Variants in ITGA9 observed in about 807,000 individuals in gnomAD.
ITGA9 encodes integrin alpha-9.
In ITGA9, 56 loss-of-function variants were observed where a neutral mutation model predicts 127.8. The observed-to-expected ratio is 0.44, with a 90% CI of 0.35 to 0.55. The LOEUF is 0.55. Ranked by LOEUF, ITGA9 falls within the 20% of genes least tolerant of loss-of-function variation. The pLI, the probability that ITGA9 is intolerant of heterozygous loss-of-function variation, is 0.00. For missense variants in ITGA9, 1,196 were observed against 1,347.1 expected, an observed-to-expected ratio of 0.89 and a Z score of 1.76; for synonymous variants, 508 against 514.5, an observed-to-expected ratio of 0.99 and a Z score of 0.17.
At chr3:37,724,674 T>G (rs1450997751) in intron 18 of ITGA9, among the ~76,000 whole-genome samples, 1 of 152,134 alleles carries the variant, frequency 6.6e-6, no homozygotes, top group African/African-American at 2.4e-5. Context: ...TTTTTTGTAT[T>G]TTTATTAGAG....
At chr3:37,680,226 A>G (rs1210057829) in intron 17 of ITGA9, among the ~76,000 whole-genome samples, 2 of 152,204 alleles carry the variant, frequency 1.3e-5, no homozygotes, top group Non-Finnish European at 2.9e-5. Context: ...GAAGGATGAC[A>G]TATTTGACAA....
At chr3:37,626,625 A>G (rs571448910) in intron 15 of ITGA9, among the ~76,000 whole-genome samples, 1 of 152,260 alleles carries the variant, frequency 6.6e-6, no homozygotes, top group African/African-American at 2.4e-5. Context: ...TCAAGGCTGC[A>G]GTGAGCTATG....
intron 1 of ITGA9, among the ~76,000 whole-genome samples, chr3:37,461,887 G>T (rs1329212159): frequency 1.3e-5 from 2 of 152,146 alleles, no homozygotes; most frequent in Non-Finnish European, 2.9e-5. Flanking sequence ...TTGTTATGGG[G>T]AGCTCCAGCT....
chr3:37,683,786 A>G, intron 17 of ITGA9, 79 bp from the exon 18 acceptor site: 1 of 1,460,842 alleles, frequency 6.8e-7, no homozygotes, highest in Non-Finnish European at 9.5e-7. Context: ...TCTGCCCCCC[A>G]CCTTCAACTA....
At chr3:37,652,774 C>G (rs1039784718) in intron 16 of ITGA9, among the ~76,000 whole-genome samples, 2 of 152,182 alleles carry the variant, frequency 1.3e-5, no homozygotes, top group East Asian at 3.8e-4. Flanking sequence ...GCTCTTCTCT[C>G]CAAATTCCAC....
chr3:37,553,508 G>A (rs1241711123), intron 15 of ITGA9, among the ~76,000 whole-genome samples: 1 of 152,180 alleles, frequency 6.6e-6, no homozygotes, highest in Admixed American at 6.5e-5. Flanking sequence ...ATTTTCTGCA[G>A]GAATACCACA....
chr3:37,623,691 C>CTGTGTG (rs10581492), intron 15 of ITGA9, among the ~76,000 whole-genome samples: 324 of 149,444 alleles, frequency 2.2e-3, no homozygotes, highest in African/African-American at 7.1e-3. Context: ...GTGTGTGTGT[C>CTGTGTG]TGTGTGTGTG....
chr3:37,582,556 C>G (rs1699719612), intron 15 of ITGA9, among the ~76,000 whole-genome samples: 1 of 152,218 alleles, frequency 6.6e-6, no homozygotes, highest in Admixed American at 6.5e-5. Context: ...TAAGTAGTGA[C>G]TGCCTAGGTG....
intron 15 of ITGA9, among the ~76,000 whole-genome samples, chr3:37,615,348 T>A (rs904254518): frequency 2.6e-5 from 4 of 152,210 alleles, no homozygotes; most frequent in African/African-American, 9.6e-5. Context: ...GCTTTTGATG[T>A]GCTGCTGGAT....
At chr3:37,794,513 G>C (rs531129251) in intron 26 of ITGA9, among the ~76,000 whole-genome samples, 70 of 152,310 alleles carry the variant, frequency 4.6e-4, no homozygotes, top group Non-Finnish European at 7.3e-4. Flanking sequence ...ATTGTGTCCT[G>C]GTCCTTAACT....
At chr3:37,481,378 G>A in intron 3 of ITGA9, 106 bp from the exon 4 acceptor site, 1 of 1,463,644 alleles carries the variant, frequency 6.8e-7, no homozygotes, top group Non-Finnish European at 9.6e-7. Flanking sequence ...TGGTCCCTCT[G>A]CTCCTCTCTT....
intron 17 of ITGA9, among the ~76,000 whole-genome samples, chr3:37,656,838 A>G (rs1451899104): frequency 2.1e-5 from 2 of 97,192 alleles, no homozygotes; most frequent in East Asian, 5.9e-4. Flanking sequence ...TGTCATAAAC[A>G]GCTCTTTTTT....
chr3:37,786,772 G>T (rs1002417620), intron 26 of ITGA9, among the ~76,000 whole-genome samples: 2 of 152,208 alleles, frequency 1.3e-5, no homozygotes, highest in African/African-American at 2.4e-5. Flanking sequence ...TCAGTGAGGA[G>T]AATGAGTGTT....
chr3:37,721,114 C>CT (rs35254377), intron 18 of ITGA9, among the ~76,000 whole-genome samples: 5,734 of 93,094 alleles, frequency 0.062, 413 homozygotes, highest in African/African-American at 0.2. Context: ...CTTTTCTTGC[C>CT]TTTTTTTTTT....
chr3:37,635,048 T>G (rs1700264655), intron 16 of ITGA9, among the ~76,000 whole-genome samples: 1 of 152,112 alleles, frequency 6.6e-6, no homozygotes, highest in Non-Finnish European at 1.5e-5. Context: ...TTAAGACAAA[T>G]GAAAATGGAA....
intron 17 of ITGA9, among the ~76,000 whole-genome samples, chr3:37,679,700 C>T (rs79998048): frequency 0.011 from 1,646 of 152,288 alleles, 28 homozygotes; most frequent in African/African-American, 0.036. Context: ...CAATCAGGCA[C>T]GGGGTTTTTA....
chr3:37,614,550 T>G (rs1383792284), intron 15 of ITGA9, among the ~76,000 whole-genome samples: 1 of 151,002 alleles, frequency 6.6e-6, no homozygotes, highest in Non-Finnish European at 1.5e-5. Flanking sequence ...ATAAATTACC[T>G]TGGGCAGTAT....
At chr3:37,780,134 G>T in intron 25 of ITGA9, 113 bp downstream of exon 25, 6 of 1,313,250 alleles carry the variant, frequency 4.6e-6, no homozygotes, top group Non-Finnish European at 6.5e-6. Flanking sequence ...GTGTCCTCAT[G>T]ACAATCTGGC....
chr3:37,624,779 G>A (rs753988715), intron 15 of ITGA9, among the ~76,000 whole-genome samples: 2 of 151,622 alleles, frequency 1.3e-5, no homozygotes, highest in Non-Finnish European at 2.9e-5. Flanking sequence ...GCTAATTTTT[G>A]TATTTTTAGT....
Sources: allele counts gnomAD v4.1 joint callset (sites outside exome capture counted in the v4.1 genomes callset), GRCh38; gene constraint gnomAD v4.1.1; transcripts MANE v1.5; gene names NCBI Gene and HGNC (gene_info 2026-07-23, HGNC 2026-07-21).